Variants in HMGCLL1 observed in about 807,000 individuals in gnomAD.
HMGCLL1 encodes the protein 3-hydroxymethyl-3-methylglutaryl-CoA lyase, cytoplasmic.
In HMGCLL1, 36 loss-of-function variants were observed where a neutral mutation model predicts 39.1. That is an observed-to-expected ratio of 0.92 (90% CI 0.71 to 1.22). The LOEUF (loss-of-function observed/expected upper bound fraction) is 1.22, where lower values mean the gene tolerates loss of function less well. HMGCLL1 is among the 50% of genes most tolerant of loss of function. The probability of loss-of-function intolerance (pLI) is 0.00; values close to 1 mark genes in which losing one functional copy is unlikely to be tolerated. For synonymous variants in HMGCLL1, 149 were observed against 144.0 expected (o/e 1.03, Z -0.25); for missense variants, 451 against 416.5 (o/e 1.08, Z -0.72).
At chr6:55,456,457 A>C (rs1285123232) in intron 7 of HMGCLL1, among the ~76,000 whole-genome samples, 1 of 152,216 alleles carries the variant, frequency 6.6e-6, no homozygotes, top group Non-Finnish European at 1.5e-5. Context: ...ACAAAATATT[A>C]ATCATGGACA....
chr6:55,586,058 G>A, the HMGCLL1 span, among the ~76,000 whole-genome samples: 1 of 151,932 alleles, frequency 6.6e-6, no homozygotes, highest in African/African-American at 2.4e-5. Context: ...AATAAATACG[G>A]GGCCATATAA....
chr6:55,674,182 A>G, the HMGCLL1 span, among the ~76,000 whole-genome samples: 1 of 151,812 alleles, frequency 6.6e-6, no homozygotes, highest in Admixed American at 6.6e-5. Flanking sequence ...TATATTCCTG[A>G]CTCCCACAGG....
intron 1 of HMGCLL1, among the ~76,000 whole-genome samples, chr6:55,569,127 T>C (rs1291280081): frequency 6.6e-6 from 1 of 152,206 alleles, no homozygotes; most frequent in Non-Finnish European, 1.5e-5. Context: ...AGGAAATTTA[T>C]TGGAAACCAA....
At chr6:55,532,490 TA>T (rs1360545227) in intron 3 of HMGCLL1, among the ~76,000 whole-genome samples, 2 of 151,820 alleles carry the variant, frequency 1.3e-5, no homozygotes, top group African/African-American at 4.8e-5. Flanking sequence ...ATATTAACCT[TA>T]AAAAAAGTCC....
Position 55,434,508 on chromosome 6 carries a change from C to T in HMGCLL1, c.*1154G>A, listed in dbSNP as rs887538609. 5 of 151,972 alleles carry T rather than the reference C, an allele frequency of 3.3e-5. No individual in the cohort carries two copies. The highest frequency in any genetic ancestry group is 2.6e-4 in the Admixed American group (4 of 15,208). 9.4% of individuals were successfully genotyped at this position (151,972 alleles called of 1,614,324 possible). ...TATCACCCGGTATTATTAGAGAAGT[C>T]TCTCTAAATACTAGAACTGACATTT... On this transcript the variant is annotated 3_prime_UTR_variant, in exon 9 of 9. Coordinates refer to ENST00000274901, the MANE Select transcript of HMGCLL1 (RefSeq NM_001042406.2).
At chr6:55,594,588 TC>T in the HMGCLL1 span, among the ~76,000 whole-genome samples, 1 of 152,294 alleles carries the variant, frequency 6.6e-6, no homozygotes, top group African/African-American at 2.4e-5. Context: ...CTTGATCATT[TC>T]CAGATGCAAC....
At position 55,514,120 on chromosome 6, in the gene HMGCLL1, G is replaced by T. The variant is rs780798314; in HGVS notation, c.470C>A (p.Ser157Tyr). The T allele has an allele frequency of 6.2e-7, 1 of 1,612,210 alleles. No individual in the cohort carries two copies. Among genetic ancestry groups the T allele is most frequent in the African/African-American group, 1.3e-5 (1 of 74,810 alleles). The change falls in exon 5 of 9, where the codon TCC becomes TAC. Residue 157 changes from serine to tyrosine, a missense_variant. Physicochemically the swap from Ser to Tyr is moderately radical, Grantham distance 144. Coordinates refer to ENST00000274901, the MANE Select transcript of HMGCLL1 (RefSeq NM_001042406.2). ...AAATTTTCCCATACTTTCTTCAATG[G>T]AACAGTTAATATTCTTCTTGCTAAA... ...ESFSKKNINC[S>Y]IEESMGKFEE...
At chr6:55,634,141 A>G in the HMGCLL1 span, among the ~76,000 whole-genome samples, 1 of 152,028 alleles carries the variant, frequency 6.6e-6, no homozygotes, top group East Asian at 1.9e-4. Flanking sequence ...TGTAAAGTTA[A>G]TACAATGCAA....
chr6:55,598,807 T>C, the HMGCLL1 span, among the ~76,000 whole-genome samples: 2 of 152,234 alleles, frequency 1.3e-5, no homozygotes, highest in East Asian at 3.8e-4. Context: ...AACTAACAAA[T>C]GAACTCTTTC....
intron 7 of HMGCLL1, among the ~76,000 whole-genome samples, chr6:55,443,349 C>G (rs552313117): frequency 1.3e-5 from 2 of 152,214 alleles, no homozygotes; most frequent in South Asian, 4.1e-4. Flanking sequence ...ATGGCTTCAG[C>G]CCGAAATGTG....
rs528463044 is a variant in HMGCLL1, at chr6:55,520,367, T to A, written c.298-3764A>T. On this transcript the variant is annotated intron_variant, in intron 3 of 8. Coordinates refer to ENST00000274901, the MANE Select transcript of HMGCLL1 (RefSeq NM_001042406.2). The stretch of plus-strand genomic sequence containing the variant: ...TTGATAATCACTGAAGGTATCTTAA[T>A]AAAATTATGATAAATACAGAAAGTA... Among the ~76,000 whole-genome samples, 53 of 152,028 alleles carry A rather than the reference T, an allele frequency of 3.5e-4. No individual in the cohort carries two copies. In the South Asian group the frequency reaches 6.6e-3, roughly 19 times the overall value.
chr6:55,454,291 G>C (rs1764232883), intron 7 of HMGCLL1, among the ~76,000 whole-genome samples: 1 of 152,094 alleles, frequency 6.6e-6, no homozygotes, highest in African/African-American at 2.4e-5. Flanking sequence ...TGAGTGATAG[G>C]AATTTTATAT....
At chr6:55,573,194 A>C (rs529802968) in intron 1 of HMGCLL1, among the ~76,000 whole-genome samples, 1 of 152,348 alleles carries the variant, frequency 6.6e-6, no homozygotes, top group South Asian at 2.1e-4. Context: ...ATATCAGGTA[A>C]GCACTTGATT....
the HMGCLL1 span, among the ~76,000 whole-genome samples, chr6:55,605,720 T>C: frequency 6.6e-6 from 1 of 152,194 alleles, no homozygotes; most frequent in Non-Finnish European, 1.5e-5. Context: ...TTCTATTTTC[T>C]ATAGTGCTGT....
At chr6:55,660,286 G>A in the HMGCLL1 span, among the ~76,000 whole-genome samples, 1 of 151,684 alleles carries the variant, frequency 6.6e-6, no homozygotes, top group Non-Finnish European at 1.5e-5. Context: ...CATGTCACAG[G>A]GTTTTTTTGT....
rs1314454417 is a variant in HMGCLL1 at position 55,577,204 on chromosome 6, G to A, written c.108+1744C>T. The A allele has an allele frequency of 5.2e-6, 8 of 1,548,546 alleles. No homozygotes were observed. In the Admixed American group the frequency reaches 1.6e-4, roughly 30 times the overall value. On this transcript the variant is annotated intron_variant, in intron 1 of 8. Coordinates refer to ENST00000274901, the MANE Select transcript of HMGCLL1 (RefSeq NM_001042406.2). ...AAGTTCAAAAAGCCAAGTGTCAGAT[G>A]TTAGTGCTGCTGTGAGTTCAATTAC...
chr6:55,497,196 C>T (rs1451785344), intron 6 of HMGCLL1, among the ~76,000 whole-genome samples: 6 of 152,200 alleles, frequency 3.9e-5, no homozygotes, highest in Middle Eastern at 3.4e-3. Flanking sequence ...TCAGCTCCCA[C>T]GCATCCTAAT....
the HMGCLL1 span, among the ~76,000 whole-genome samples, chr6:55,634,609 A>G: frequency 6.6e-6 from 1 of 152,150 alleles, no homozygotes; most frequent in East Asian, 1.9e-4. Context: ...ATATGTACAC[A>G]TCAAATATCT....
intron 6 of HMGCLL1, among the ~76,000 whole-genome samples, chr6:55,498,685 A>G (rs913843750): frequency 2.0e-5 from 3 of 152,138 alleles, no homozygotes; most frequent in African/African-American, 7.2e-5. Context: ...AAAGGACAGG[A>G]AGAAAATAAA....
Sources: allele counts gnomAD v4.1 joint callset (sites outside exome capture counted in the v4.1 genomes callset), GRCh38; gene constraint gnomAD v4.1.1; transcripts MANE v1.5; gene names NCBI Gene and HGNC (gene_info 2026-07-23, HGNC 2026-07-21).